Variants in CD200 observed in about 807,000 individuals in gnomAD.
CD200 encodes CD200 molecule, also known as OX-2 membrane glycoprotein.
A neutral mutation model predicts 30.9 loss-of-function variants in CD200; 15 were observed. The observed-to-expected ratio is 0.49, with a 90% CI of 0.32 to 0.75. The LOEUF (loss-of-function observed/expected upper bound fraction) is 0.75, where lower values mean the gene tolerates loss of function less well. Ranked by LOEUF, CD200 falls within the 30% of genes least tolerant of loss-of-function variation. The probability of loss-of-function intolerance (pLI) is 0.03; values close to 1 mark genes in which losing one functional copy is unlikely to be tolerated. For synonymous variants in CD200, 134 were observed against 126.2 expected (o/e 1.06, Z -0.41); for missense variants, 262 against 324.2 (o/e 0.81, Z 1.47).
intron 4 of CD200, among the ~76,000 whole-genome samples, chr3:112,348,844 T>A (rs2081466613): frequency 7.2e-6 from 1 of 139,692 alleles, no homozygotes; most frequent in Non-Finnish European, 1.5e-5. Context: ...AAGGGTATAT[T>A]TCCTGGAAAA....
At chr3:112,349,643 C>G (rs1271502609) in intron 4 of CD200, 69 bp from the exon 5 acceptor site, 1 of 1,273,818 alleles carries the variant, frequency 7.9e-7, no homozygotes, top group Non-Finnish European at 1.1e-6. Flanking sequence ...ACTAAAAGCT[C>G]AACTCTTTTT....
chr3:112,332,914 A>AC (rs2081028020), upstream of CD200: 1 of 496,702 alleles, frequency 2.0e-6, no homozygotes, highest in East Asian at 3.9e-5. Flanking sequence ...GAAAATGGAA[A>AC]AAAAAAAATG....
chr3:112,334,262 A>C, intron 1 of CD200: 1 of 985,432 alleles, frequency 1.0e-6, no homozygotes, highest in Non-Finnish European at 1.2e-6. Context: ...AGGAAGAGGC[A>C]TGAATAGGGG....
At chr3:112,342,064 A>T (rs76076816) in intron 2 of CD200, among the ~76,000 whole-genome samples, 1 of 151,932 alleles carries the variant, frequency 6.6e-6, no homozygotes, top group African/African-American at 2.4e-5. Context: ...TCAACATTTT[A>T]TCCAGATTAT....
At chr3:112,343,339 T>A (rs1483504531) in intron 2 of CD200, among the ~76,000 whole-genome samples, 1 of 152,146 alleles carries the variant, frequency 6.6e-6, no homozygotes, top group Non-Finnish European at 1.5e-5. Context: ...GGACTTACCT[T>A]GTCACCCAGG....
intron 1 of CD200, among the ~76,000 whole-genome samples, 172 bp from the exon 2 acceptor site, chr3:112,340,730 T>C (rs975279876): frequency 1.3e-5 from 2 of 152,220 alleles, no homozygotes; most frequent in African/African-American, 4.8e-5. Context: ...ATCCTGAGCA[T>C]GCTTTATTAT....
chr3:112,338,273 A>C (rs2081163639), intron 1 of CD200, among the ~76,000 whole-genome samples: 1 of 152,214 alleles, frequency 6.6e-6, no homozygotes, highest in Non-Finnish European at 1.5e-5. Context: ...TAGGGGAAAA[A>C]TGATTCATCC....
At chr3:112,351,298 CT>C (rs1368848989) in intron 5 of CD200, among the ~76,000 whole-genome samples, 1 of 152,166 alleles carries the variant, frequency 6.6e-6, no homozygotes, top group Non-Finnish European at 1.5e-5. Flanking sequence ...TTCACTTAAT[CT>C]GTGCTTACTG....
At position 112,342,426 on chromosome 3, in the gene CD200, TTTC is replaced by T. The variant is rs1161538397; in HGVS notation, c.94+1448_94+1450del. Among the ~76,000 whole-genome samples, 125 of 94,134 alleles carry T rather than the reference TTTC, an allele frequency of 1.3e-3. 10 individuals are homozygous for T. Among genetic ancestry groups the T allele is most frequent in the African/African-American group, 4.8e-3 (121 of 25,270 alleles). 61.8% of individuals were successfully genotyped at this position (94,134 alleles called of 152,430 possible). The stretch of plus-strand genomic sequence containing the variant: ...CTTTCTTTCTTTCTTTCTTTCTTTC[TTTC>T]TTCTCTCTCTTTCTATGAAATTTCA... On this transcript the variant is annotated intron_variant, in intron 2 of 5. Transcript: ENST00000315711.
chr3:112,349,893 G>A (rs2108459176), intron 5 of CD200, 74 bp downstream of exon 5: 1 of 1,473,262 alleles, frequency 6.8e-7, no homozygotes, highest in Non-Finnish European at 9.0e-7. Flanking sequence ...TGAGTCATTT[G>A]AAGATATAAA....
At chr3:112,358,755 C>T (rs2081677950) in intron 5 of CD200, among the ~76,000 whole-genome samples, 1 of 152,220 alleles carries the variant, frequency 6.6e-6, no homozygotes, top group Non-Finnish European at 1.5e-5. Context: ...TTCTCCTGTC[C>T]TTACCACAAC....
rs1013390989 is a variant in CD200 at position 112,333,252 on chromosome 3, G to A, written c.12+28G>A. On this transcript the variant is annotated intron_variant, in intron 1 of 5. Coordinates refer to ENST00000315711, the MANE Select transcript of CD200 (RefSeq NM_005944.7). ...GAGCGGGGCCGGGGCTTGGGAAGGA[G>A]GGCGCAGGGCAGGCGATGTTGAGCC... 2.6e-6 allele frequency: 4 copies of A among 1,547,590 alleles called. No homozygotes were observed. The African/African-American group carries it at 5.5e-5, about 21-fold the overall frequency.
At chr3:112,359,582 T>G (rs1281945088) in intron 5 of CD200, among the ~76,000 whole-genome samples, 1 of 152,220 alleles carries the variant, frequency 6.6e-6, no homozygotes, top group South Asian at 2.1e-4. Flanking sequence ...AGGAAAGTAT[T>G]TCCATCTGAT....
At chr3:112,355,538 G>A (rs191284329) in intron 5 of CD200, among the ~76,000 whole-genome samples, 97 of 152,198 alleles carry the variant, frequency 6.4e-4, no homozygotes, top group African/African-American at 2.3e-3. Flanking sequence ...AGTTCAAAGT[G>A]GGAAAATTAT....
Position 112,342,334 on chromosome 3 carries a change from T to TTTCC in CD200, c.94+1355_94+1358dup, listed in dbSNP as rs1559783153. On this transcript the variant is annotated intron_variant, in intron 2 of 5. Transcript: ENST00000315711. ...TCTTCTTTCTTTCTTTCTTTCTTTC[T>TTTCC]TTCCTTCTTTCTTTCTTTCTTTCTT... is the stretch of plus-strand genomic sequence containing the variant. Among the ~76,000 whole-genome samples the TTTCC allele has an allele frequency of 1.9e-4, 9 of 46,334 alleles. 1 individual carries two copies. The highest frequency in any genetic ancestry group is 8.8e-4 in the South Asian group (1 of 1,140). 30.4% of individuals were successfully genotyped at this position (46,334 alleles called of 152,430 possible). A position where few individuals can be genotyped will look rare whatever the true frequency, so the allele number is the denominator to read the frequency against.
upstream of CD200, chr3:112,332,902 A>T: frequency 2.4e-6 from 1 of 416,074 alleles, no homozygotes. Context: ...TCCAGGTAGC[A>T]GGAAAATGGA....
intron 1 of CD200, among the ~76,000 whole-genome samples, chr3:112,336,558 A>G (rs1033537729): frequency 1.1e-4 from 17 of 151,954 alleles, no homozygotes; most frequent in African/African-American, 4.1e-4. Flanking sequence ...CACAGGTAGA[A>G]CACCACCCTT....
rs1291874417 is a variant in CD200, at chr3:112,349,822, G to C, written c.802+3G>C. 4 of 1,604,686 alleles carry C rather than the reference G, an allele frequency of 2.5e-6. No individual in the cohort carries two copies. In the African/African-American group the frequency reaches 4.0e-5, roughly 16 times the overall value. Reference sequence around the variant, plus strand: ...ACGTCACCGGAATCAGGACCGAGGTGAGTTGTCACAGGGAGTTCAAAAAAT... The same window carrying C: ...ACGTCACCGGAATCAGGACCGAGGTCAGTTGTCACAGGGAGTTCAAAAAAT... On this transcript the variant is annotated splice_donor_region_variant and intron_variant, in intron 5 of 5. Coordinates refer to ENST00000315711, the MANE Select transcript of CD200 (RefSeq NM_005944.7).
At chr3:112,357,067 C>T (rs1006927373) in intron 5 of CD200, among the ~76,000 whole-genome samples, 2 of 152,078 alleles carry the variant, frequency 1.3e-5, no homozygotes, top group Non-Finnish European at 2.9e-5. Context: ...CGAGACCATC[C>T]TGGTTAACAG....
Sources: allele counts gnomAD v4.1 joint callset (sites outside exome capture counted in the v4.1 genomes callset), GRCh38; gene constraint gnomAD v4.1.1; transcripts MANE v1.5; gene names NCBI Gene and HGNC (gene_info 2026-07-23, HGNC 2026-07-21).